The following DIP2A variants were observed in gnomAD, a reference collection of about 807,000 sequenced individuals.
DIP2A encodes DIP2 acetate--CoA ligase A.
In DIP2A, 85 loss-of-function variants were observed where a neutral mutation model predicts 177.4. That is an observed-to-expected ratio of 0.48 (90% CI 0.40 to 0.57). The LOEUF is 0.57. DIP2A is among the 20% of genes least tolerant of loss of function. The pLI, the probability that DIP2A is intolerant of heterozygous loss-of-function variation, is 0.00. For synonymous variants in DIP2A, 886 were observed against 881.8 expected, an observed-to-expected ratio of 1.00 and a Z score of -0.08; for missense variants, 1,791 against 2,100.2, an observed-to-expected ratio of 0.85 and a Z score of 2.88.
chr21:46,531,545 A>G (rs1354385048), intron 9 of DIP2A, among the ~76,000 whole-genome samples: 1 of 152,240 alleles, frequency 6.6e-6, no homozygotes, highest in Non-Finnish European at 1.5e-5. Context: ...CTTGAAAAAC[A>G]TTCTTACAAG....
intron 1 of DIP2A, among the ~76,000 whole-genome samples, chr21:46,459,822 C>G (rs1444258318): frequency 1.3e-5 from 2 of 152,168 alleles, no homozygotes; most frequent in African/African-American, 2.4e-5. Flanking sequence ...CAGCTGCTCC[C>G]CCAATGGGAT....
intron 5 of DIP2A, among the ~76,000 whole-genome samples, chr21:46,499,839 G>T (rs1034706479): frequency 1.3e-5 from 2 of 152,130 alleles, no homozygotes; most frequent in East Asian, 3.8e-4. Context: ...AAAGTCCAGC[G>T]ATTGTAACTT....
At chr21:46,540,977 T>G (rs2059792098) in intron 17 of DIP2A, among the ~76,000 whole-genome samples, 1 of 148,032 alleles carries the variant, frequency 6.8e-6, no homozygotes, top group East Asian at 2.0e-4. Context: ...ATCATGCCAT[T>G]GCACTCCAGC....
chr21:46,517,218 C>T (rs117303630), intron 8 of DIP2A, among the ~76,000 whole-genome samples: 7,218 of 151,734 alleles, frequency 0.048, 229 homozygotes, highest in Non-Finnish European at 0.064. Context: ...CACAGCACTA[C>T]GCCCAGCTAA....
chr21:46,537,685 C>A lies in DIP2A; in HGVS notation c.1801+146C>A. 1 of 792,906 alleles carries A rather than the reference C, an allele frequency of 1.3e-6. No homozygotes were observed. Among genetic ancestry groups the A allele is most frequent in the East Asian group, 2.7e-5 (1 of 37,730 alleles). 49.1% of individuals were successfully genotyped at this position (792,906 alleles called of 1,614,324 possible). On this transcript the variant is annotated intron_variant, in intron 15 of 37. Transcript: ENST00000417564. This position sits in a 1 kb window ranked among gnomAD's most constrained non-coding sequence, Gnocchi z 4.1. ...GTGGGACGTCTTTCTTGGTCACACC[C>A]CTGCCCAGGAATATGGGGGCTTTCT... is the stretch of plus-strand genomic sequence containing the variant.
At position 46,459,108 on chromosome 21, in the gene DIP2A, G is replaced by A; in HGVS notation, c.-24G>A. 1 of 1,470,570 alleles carries A rather than the reference G, an allele frequency of 6.8e-7. No individual in the cohort carries two copies. Among genetic ancestry groups the A allele is most frequent in the East Asian group, 2.9e-5 (1 of 34,908 alleles). 91.1% of individuals were successfully genotyped at this position (1,470,570 alleles called of 1,614,324 possible). On this transcript the variant is annotated 5_prime_UTR_variant, in exon 1 of 38. Transcript: ENST00000417564. ...CAGGCCCGGTCCGGTTCCAGCCTCT[G>A]CCCGGACGCTAGCCGGCCTGGCCAT...
chr21:46,549,163 C>G (rs998333361), intron 21 of DIP2A, among the ~76,000 whole-genome samples: 1 of 151,908 alleles, frequency 6.6e-6, no homozygotes, highest in African/African-American at 2.4e-5. Flanking sequence ...CCAGTCAAGT[C>G]AAAGGAAAGG....
At chr21:46,545,326 T>TGGG in intron 19 of DIP2A, 53 bp downstream of exon 19, 1 of 1,563,010 alleles carries the variant, frequency 6.4e-7, no homozygotes. Context: ...TGAGCACTCA[T>TGGG]GGGGTCCCAG....
intron 15 of DIP2A, 107 bp from the exon 16 acceptor site, chr21:46,538,376 G>A (rs1601737921): frequency 1.4e-6 from 2 of 1,440,188 alleles, no homozygotes; most frequent in East Asian, 5.1e-5. Context: ...TGTTGTGTCT[G>A]TCTGTGCATG....
chr21:46,475,511 C>G (rs2055765601), intron 1 of DIP2A, among the ~76,000 whole-genome samples: 1 of 152,198 alleles, frequency 6.6e-6, no homozygotes, highest in Non-Finnish European at 1.5e-5. Flanking sequence ...ACTCTCTGGT[C>G]CTTGGAAAGT....
At position 46,473,002 on chromosome 21, in the gene DIP2A, A is replaced by G. The variant is rs139872434; in HGVS notation, c.92-11755A>G. ...GACGAGGGAACTGATTGTTCAATTT[A>G]ATTTACTTTTAATTAATTAAAATTT... On this transcript the variant is annotated intron_variant, in intron 1 of 37. Transcript: ENST00000417564. Among the ~76,000 whole-genome samples the G allele has an allele frequency of 2.0e-3, 312 of 152,284 alleles. 2 individuals carry two copies. The highest frequency in any genetic ancestry group is 7.2e-3 in the African/African-American group (298 of 41,562).
chr21:46,532,363 G>A, intron 10 of DIP2A, 126 bp downstream of exon 10: 1 of 737,320 alleles, frequency 1.4e-6, no homozygotes. Flanking sequence ...GAGAAAGCTA[G>A]TAGTCAACAG....
At chr21:46,574,692 G>A (rs1300879919), downstream of DIP2A, among the ~76,000 whole-genome samples, 1 of 151,946 alleles carries the variant, frequency 6.6e-6, no homozygotes, top group Non-Finnish European at 1.5e-5. Flanking sequence ...CCAACAAATG[G>A]AAAAACCTAG....
rs374106049 is a variant in DIP2A at position 46,557,580 on chromosome 21, C to T, written c.3630-5C>T. On this transcript the variant is annotated splice_polypyrimidine_tract_variant and splice_region_variant and intron_variant, in intron 30 of 37. Transcript: ENST00000417564. This position sits in a 1 kb window ranked among gnomAD's most constrained non-coding sequence, Gnocchi z 6.0. ...GCGGAGCCTCACGAGCCTTCCCTCT[C>T]GCAGTGTCTACTCGGGACACCAATC... The T allele has an allele frequency of 1.2e-6, 2 of 1,605,180 alleles. No homozygotes were observed. The highest frequency in any genetic ancestry group is 1.7e-6 in the Non-Finnish European group (2 of 1,173,688).
At position 46,490,600 on chromosome 21, in the gene DIP2A, G is replaced by A. The variant is rs758131442; in HGVS notation, c.164G>A (p.Gly55Glu). The part of the protein sequence containing the change: ...LLARYIPLIQ[G>E]IDPSLQAENR... ...GTATTCCCATAAAATTGTGTTTCAG[G>A]AATAGACCCATCTCTGCAAGCAGAG... Residue 55 changes from glycine (G) to glutamate (E), a missense_variant and splice_region_variant, in exon 3 of 38, where the codon GGA (glycine) becomes GAA (glutamate). Physicochemically the swap from Gly to Glu is moderately conservative, Grantham distance 98. Coordinates refer to ENST00000417564, the MANE Select transcript of DIP2A (RefSeq NM_015151.4). 6.4e-7 allele frequency: 1 copy of A among 1,560,244 alleles called. No individual in the cohort carries two copies. Among genetic ancestry groups the A allele is most frequent in the Non-Finnish European group, 8.7e-7 (1 of 1,152,218 alleles).
chr21:46,562,145 T>C (rs373458172), intron 34 of DIP2A, among the ~76,000 whole-genome samples: 1 of 152,126 alleles, frequency 6.6e-6, no homozygotes, highest in African/African-American at 2.4e-5. Flanking sequence ...TAGAGTTAAA[T>C]GGAGTGGCCC....
chr21:46,558,715 G>C, intron 32 of DIP2A: 1 of 329,756 alleles, frequency 3.0e-6, no homozygotes, highest in Non-Finnish European at 5.7e-6. Flanking sequence ...AAGATATCTA[G>C]CAATATTAAA....
intron 1 of DIP2A, among the ~76,000 whole-genome samples, chr21:46,475,952 T>C (rs1268213400): frequency 6.6e-6 from 1 of 152,120 alleles, no homozygotes; most frequent in Admixed American, 6.6e-5. Flanking sequence ...ATTATGATGA[T>C]TGGCTGGGCG....
At chr21:46,518,585 G>A (rs1324441091) in intron 8 of DIP2A, among the ~76,000 whole-genome samples, 9 of 152,140 alleles carry the variant, frequency 5.9e-5, no homozygotes, top group Admixed American at 2.0e-4. Flanking sequence ...GGCTGGGCAC[G>A]GTGGCTTACA....
Sources: allele counts gnomAD v4.1 joint callset (sites outside exome capture counted in the v4.1 genomes callset), GRCh38; gene constraint gnomAD v4.1.1; non-coding constraint Gnocchi (gnomAD v3.1); transcripts MANE v1.5; gene names NCBI Gene and HGNC (gene_info 2026-07-23, HGNC 2026-07-21).